Variants in ALPK2 observed in about 807,000 individuals in gnomAD.
ALPK2 encodes alpha-protein kinase 2.
A neutral mutation model predicts 163.1 loss-of-function variants in ALPK2; 127 were observed. The ratio of observed to expected loss-of-function variants is 0.78; its 90% CI spans 0.67 to 0.90. ALPK2 has a LOEUF of 0.90. ALPK2 is among the 40% of genes least tolerant of loss of function. The pLI, the probability that ALPK2 is intolerant of heterozygous loss-of-function variation, is 0.00. For missense variants in ALPK2, 2,360 were observed against 2,589.6 expected, an observed-to-expected ratio of 0.91 and a Z score of 1.92; for synonymous variants, 953 against 959.1, an observed-to-expected ratio of 0.99 and a Z score of 0.12.
At chr18:58,590,751 A>G (rs983707255) in intron 3 of ALPK2, among the ~76,000 whole-genome samples, 4 of 152,216 alleles carry the variant, frequency 2.6e-5, no homozygotes, top group African/African-American at 9.7e-5. Context: ...TTTCAAAACA[A>G]TGAGGAGATT....
intron 3 of ALPK2, among the ~76,000 whole-genome samples, chr18:58,585,959 C>T (rs753334149): frequency 2.6e-5 from 4 of 152,318 alleles, no homozygotes; most frequent in South Asian, 2.1e-4. Context: ...GCTGGGATTA[C>T]GGGCATGAGC....
intron 1 of ALPK2, among the ~76,000 whole-genome samples, chr18:58,620,929 G>A (rs2052195466): frequency 6.6e-6 from 1 of 152,180 alleles, no homozygotes; most frequent in Non-Finnish European, 1.5e-5. Context: ...GCCGAGGTGG[G>A]TGGATCGCTT....
chr18:58,517,318 A>T (rs2051527725), intron 8 of ALPK2, 136 bp from the exon 9 acceptor site: 1 of 837,468 alleles, frequency 1.2e-6, no homozygotes, highest in Non-Finnish European at 1.8e-6. Context: ...AGACACACTT[A>T]ACCCTTCAAA....
At chr18:58,563,545 G>A (rs907256389) in intron 4 of ALPK2, among the ~76,000 whole-genome samples, 4 of 152,098 alleles carry the variant, frequency 2.6e-5, no homozygotes, top group African/African-American at 9.7e-5. Context: ...CTGTAGCTTT[G>A]GTTCTGCCAA....
intron 5 of ALPK2, among the ~76,000 whole-genome samples, chr18:58,530,028 G>A (rs1303831048): frequency 6.6e-6 from 1 of 152,222 alleles, no homozygotes; most frequent in Non-Finnish European, 1.5e-5. Flanking sequence ...GCAGATGTGT[G>A]AGTCTATCAC....
chr18:58,539,052 A>T (rs2051675419), intron 4 of ALPK2, among the ~76,000 whole-genome samples: 1 of 152,202 alleles, frequency 6.6e-6, no homozygotes, highest in African/African-American at 2.4e-5. Flanking sequence ...AATAGGCCTC[A>T]TTTCTTGATA....
chr18:58,600,832 CACTGG>C (rs763086287), intron 3 of ALPK2: 13 of 152,240 alleles, frequency 8.5e-5, no homozygotes, highest in Admixed American at 4.6e-4. Flanking sequence ...GTTTCCTGGA[CACTGG>C]ACTGTGTCCC....
At chr18:58,554,675 T>C (rs756357066) in intron 4 of ALPK2, among the ~76,000 whole-genome samples, 7 of 152,250 alleles carry the variant, frequency 4.6e-5, no homozygotes, top group Non-Finnish European at 1.0e-4. Context: ...CAGGCTTCTC[T>C]GCCCTCCCTT....
intron 4 of ALPK2, among the ~76,000 whole-genome samples, chr18:58,546,075 C>T (rs900457731): frequency 2.0e-5 from 3 of 152,158 alleles, no homozygotes; most frequent in African/African-American, 4.8e-5. Context: ...TTAGGAGTTG[C>T]CTGATTGCCC....
Position 58,481,922 on chromosome 18 carries a change from C to T in ALPK2, c.6414G>A (p.Gln2138=). Residue 2138 remains glutamine, a synonymous_variant, in exon 13 of 13, where the codon CAG becomes CAA. Transcript: ENST00000361673. ...LGLKSLQNNN[Q]KQKQPSIGKS... is the part of the protein sequence containing the mutation. ...TCCCAATGCTCGGCTGCTTCTGTTTCTGGTTGTTGTTTTGAAGGGATTTCA... is the reference window on the plus strand; with the variant it reads ...TCCCAATGCTCGGCTGCTTCTGTTTTTGGTTGTTGTTTTGAAGGGATTTCA... 1 of 1,614,186 alleles carries T rather than the reference C, an allele frequency of 6.2e-7. No individual in the cohort carries two copies.
chr18:58,607,521 G>A, intron 2 of ALPK2, 82 bp from the exon 3 acceptor site: 2 of 862,736 alleles, frequency 2.3e-6, no homozygotes, highest in Non-Finnish European at 3.5e-6. Context: ...CTATGAACAA[G>A]GATGGACAGT....
At chr18:58,582,947 T>A (rs75959956) in intron 3 of ALPK2, among the ~76,000 whole-genome samples, 3 of 152,124 alleles carry the variant, frequency 2.0e-5, no homozygotes, top group African/African-American at 7.2e-5. Flanking sequence ...AAGGTTCTTG[T>A]ATGTAGAGGC....
intron 1 of ALPK2, among the ~76,000 whole-genome samples, chr18:58,615,316 C>G (rs747566095): frequency 9.2e-5 from 14 of 151,652 alleles, no homozygotes; most frequent in Non-Finnish European, 1.5e-5. Context: ...GGGACAGTGG[C>G]GGGCAGGGCA....
At chr18:58,607,567 T>G (rs2052105162) in intron 2 of ALPK2, 128 bp from the exon 3 acceptor site, 1 of 599,504 alleles carries the variant, frequency 1.7e-6, no homozygotes, top group Admixed American at 3.3e-5. Flanking sequence ...TTACGTTAGG[T>G]GAGGAATTGA....
chr18:58,516,794 A>C, intron 9 of ALPK2, 114 bp downstream of exon 9: 1 of 1,267,010 alleles, frequency 7.9e-7, no homozygotes, highest in Admixed American at 2.1e-5. Flanking sequence ...ACCCCAAAAG[A>C]GGAAAAACAC....
Position 58,504,051 on chromosome 18 carries a change from T to C in ALPK2, c.6127A>G (p.Arg2043Gly). Residue 2043 changes from arginine (R) to glycine (G), a missense_variant, in exon 11 of 13, where the codon AGG becomes GGG. Arg to Gly is a moderately radical substitution (Grantham distance 125). Coordinates refer to ENST00000361673, the MANE Select transcript of ALPK2 (RefSeq NM_052947.4). ...LIGEFVKYSI[R>G]DGKEINFLRR... ...AAGAAGTTTATTTCTTTCCCATCCC[T>C]GATGGAATACTTCACAAATTCTCCA... 1 of 1,614,116 alleles carries C rather than the reference T, an allele frequency of 6.2e-7. No individual in the cohort carries two copies. The highest frequency in any genetic ancestry group is 8.5e-7 in the Non-Finnish European group (1 of 1,179,934).
At chr18:58,505,683 A>G (rs2051458320) in intron 10 of ALPK2, among the ~76,000 whole-genome samples, 1 of 152,110 alleles carries the variant, frequency 6.6e-6, no homozygotes, top group Admixed American at 6.5e-5. Context: ...CGACATCGAA[A>G]CGCAAATCCG....
At chr18:58,599,821 T>A (rs1159261588) in intron 3 of ALPK2, among the ~76,000 whole-genome samples, 1 of 152,170 alleles carries the variant, frequency 6.6e-6, no homozygotes, top group African/African-American at 2.4e-5. Flanking sequence ...ATCCCCATTT[T>A]TACAGATGAG....
chr18:58,610,374 A>G (rs1241304870), intron 2 of ALPK2, among the ~76,000 whole-genome samples: 2 of 152,088 alleles, frequency 1.3e-5, no homozygotes, highest in Non-Finnish European at 2.9e-5. Flanking sequence ...GGGTAGAGAC[A>G]TAATCCAAAA....
Sources: allele counts gnomAD v4.1 joint callset (sites outside exome capture counted in the v4.1 genomes callset), GRCh38; gene constraint gnomAD v4.1.1; transcripts MANE v1.5; gene names NCBI Gene and HGNC (gene_info 2026-07-23, HGNC 2026-07-21).